The following POGZ variants were observed in gnomAD, a reference collection of about 807,000 sequenced individuals.
The protein encoded by POGZ is pogo transposable element derived with ZNF domain, also known as pogo transposable element with ZNF domain.
POGZ carries 17 observed loss-of-function variants against 134.6 expected under a neutral mutation model. The ratio of observed to expected loss-of-function variants is 0.13; its 90% confidence interval spans 0.09 to 0.19. The LOEUF (loss-of-function observed/expected upper bound fraction) is 0.19, where lower values mean the gene tolerates loss of function less well. Among genes scored for constraint, POGZ ranks in the 10% least tolerant of loss-of-function variants. The pLI is 1.00. For missense variants in POGZ, 1,306 were observed against 1,769.7 expected, an observed-to-expected ratio of 0.74 and a Z score of 4.70; for synonymous variants, 693 against 657.1, an observed-to-expected ratio of 1.05 and a Z score of -0.84.
intron 8 of POGZ, chr1:151,424,529 T>C (rs1194809824): frequency 2.6e-6 from 1 of 382,456 alleles, no homozygotes; most frequent in Non-Finnish European, 4.6e-6. Flanking sequence ...TAATCATTAG[T>C]ATAACTTGGC....
At position 151,422,694 on chromosome 1, in the gene POGZ, C is replaced by T. The variant is rs376444530; in HGVS notation, c.1678+703G>A. ...GCAACCTCCGCCTCCCGGGTTCAAG[C>T]GATTCTCCTGTCTCAGCCTCCCGAG... On this transcript the variant is annotated intron_variant, in intron 10 of 18. Coordinates refer to ENST00000271715, the MANE Select transcript of POGZ (RefSeq NM_015100.4). Among the ~76,000 whole-genome samples the T allele has an allele frequency of 6.6e-4, 100 of 152,136 alleles. 2 individuals carry two copies. In the East Asian group the frequency reaches 0.017, roughly 26 times the overall value.
chr1:151,430,386 C>T lies in POGZ; in HGVS notation c.459+280G>A, dbSNP rs186118830. On this transcript the variant is annotated intron_variant, in intron 4 of 18. Transcript: ENST00000271715. ...AGGGTGAAAAGCCTCAAGAGCCAAG[C>T]GTTAAGGCTTCCTAATTCAAGTTTT... is the stretch of plus-strand genomic sequence containing the variant. Among the ~76,000 whole-genome samples, 199 of 152,270 alleles carry T rather than the reference C, an allele frequency of 1.3e-3. 1 individual carries two copies. Among genetic ancestry groups the T allele is most frequent in the African/African-American group, 4.7e-3 (194 of 41,548 alleles).
chr1:151,442,736 T>C (rs898396027), intron 1 of POGZ, among the ~76,000 whole-genome samples: 8 of 143,730 alleles, frequency 5.6e-5, no homozygotes, highest in African/African-American at 1.5e-4. Flanking sequence ...AAAATTAGGA[T>C]TATAAAAGTT....
intron 1 of POGZ, among the ~76,000 whole-genome samples, chr1:151,457,081 G>C (rs1280373962): frequency 6.6e-6 from 1 of 152,136 alleles, no homozygotes; most frequent in South Asian, 2.1e-4. Flanking sequence ...TACCCTGAAA[G>C]GGTAAGAGGA....
At chr1:151,458,443 C>T (rs1478219460) in intron 1 of POGZ, among the ~76,000 whole-genome samples, 1 of 152,032 alleles carries the variant, frequency 6.6e-6, no homozygotes, top group Non-Finnish European at 1.5e-5. Context: ...TGCACTAAGG[C>T]TTAGGATGTA....
intron 3 of POGZ, among the ~76,000 whole-genome samples, chr1:151,431,714 T>C (rs1658726887): frequency 6.6e-6 from 1 of 152,242 alleles, no homozygotes; most frequent in East Asian, 1.9e-4. Context: ...GGGCTATTAT[T>C]GAAATATCTT....
intron 16 of POGZ, 55 bp downstream of exon 16, chr1:151,407,180 A>T (rs1653796830): frequency 3.6e-6 from 5 of 1,388,350 alleles, no homozygotes; most frequent in Non-Finnish European, 5.0e-6. Flanking sequence ...GAAAAACCTG[A>T]AAATTAATGT....
Position 151,451,052 on chromosome 1 carries a change from T to TA in POGZ, c.-2+8099dup, listed in dbSNP as rs1396746605. On this transcript the variant is annotated intron_variant, in intron 1 of 18. Transcript: ENST00000271715. ...AGATGTGGTGAAACCCCGTCTCTAC[T>TA]AAAAAAAAAAAATACAAAAATTAGC... 1,305 of 142,852 alleles carry TA rather than the reference T, an allele frequency of 9.1e-3. 24 individuals carry two copies. The highest frequency in any genetic ancestry group is 0.027 in the African/African-American group (1,052 of 39,068). 8.8% of individuals were successfully genotyped at this position (142,852 alleles called of 1,614,324 possible).
chr1:151,412,970 T>A (rs1363034511), intron 10 of POGZ, among the ~76,000 whole-genome samples: 1 of 152,180 alleles, frequency 6.6e-6, no homozygotes, highest in Non-Finnish European at 1.5e-5. Flanking sequence ...ATGAACAATT[T>A]TGTCAAACTT....
In POGZ at chr1:151,402,963, A is replaced by G. The variant is rs1571311468; in HGVS notation, c.*1839T>C. The G allele has an allele frequency of 6.5e-6, 1 of 152,896 alleles. No individual in the cohort carries two copies. The highest frequency in any genetic ancestry group is 6.5e-5 in the Admixed American group (1 of 15,288). The allele number at this position is 152,896 out of a possible 1,614,324, so 9.5% of individuals were successfully genotyped here. On this transcript the variant is annotated 3_prime_UTR_variant, in exon 19 of 19. Transcript: ENST00000271715. ...GGCTGTGGCTGCTGCAGAGACTACCAAAGAGTAGGATTAGGTTGTAGATAG... is the reference window on the plus strand; with the variant it reads ...GGCTGTGGCTGCTGCAGAGACTACCGAAGAGTAGGATTAGGTTGTAGATAG...
intron 3 of POGZ, among the ~76,000 whole-genome samples, chr1:151,438,389 C>T (rs570772075): frequency 2.2e-4 from 34 of 152,016 alleles, no homozygotes; most frequent in African/African-American, 7.7e-4. Context: ...CCAGTCTATA[C>T]CCACTGTCTT....
chr1:151,425,528 C>T (rs533749272), intron 7 of POGZ, among the ~76,000 whole-genome samples: 3 of 152,242 alleles, frequency 2.0e-5, no homozygotes, highest in Admixed American at 1.3e-4. Context: ...CTCGCCTCCA[C>T]CCCGGCAACC....
chr1:151,443,470 T>C (rs1571546341), intron 1 of POGZ, among the ~76,000 whole-genome samples: 1 of 152,114 alleles, frequency 6.6e-6, no homozygotes, highest in Admixed American at 6.5e-5. Flanking sequence ...GAGGCCGAGG[T>C]GGGCGGATCA....
chr1:151,424,291 A>G lies in POGZ; in HGVS notation c.1186-5T>C, dbSNP rs921647207. 14 of 1,528,156 alleles carry G rather than the reference A, an allele frequency of 9.2e-6. 1 individual carries two copies. Among genetic ancestry groups the G allele is most frequent in the Admixed American group, 7.6e-5 (4 of 52,816 alleles). The allele number at this position is 1,528,156 out of a possible 1,614,324, so 94.7% of individuals were successfully genotyped here. On this transcript the variant is annotated splice_region_variant and splice_polypyrimidine_tract_variant and intron_variant, in intron 8 of 18. Transcript: ENST00000271715. Reference sequence around the variant, plus strand: ...AACCATTTCTGGGCAACAGTACTATAAAGAAAGACATCTGATCATTCTGGT... The same window carrying G: ...AACCATTTCTGGGCAACAGTACTATGAAGAAAGACATCTGATCATTCTGGT...
chr1:151,405,772 G>A lies in POGZ; in HGVS notation c.3263C>T (p.Ala1088Val), dbSNP rs766856720. The A allele has an allele frequency of 6.2e-7, 1 of 1,614,206 alleles. No individual in the cohort carries two copies. The highest frequency in any genetic ancestry group is 1.7e-5 in the Admixed American group (1 of 60,032). The change falls in exon 19 of 19, where the codon GCT (alanine) becomes GTT (valine). Residue 1088 changes from alanine (A) to valine (V), a missense_variant. By Grantham distance (64) the Ala-to-Val change is moderately conservative. Transcript: ENST00000271715. This position sits in a 1 kb window ranked among gnomAD's most constrained non-coding sequence, Gnocchi z 4.9. The stretch of plus-strand genomic sequence containing the variant: ...ATCCTTAGGTAGGGTGTGGGCCACA[G>A]CTCGCCGGGCATGGGGAGTCAGGTG... ...RHHLTPHARRAVAHTLPKDVA... is the reference protein window; with the variant it reads ...RHHLTPHARRVVAHTLPKDVA...
At chr1:151,419,078 GC>G (rs1476562036) in intron 10 of POGZ, among the ~76,000 whole-genome samples, 16 of 151,358 alleles carry the variant, frequency 1.1e-4, no homozygotes, top group Non-Finnish European at 8.8e-5. Flanking sequence ...TTTCGACCGG[GC>G]ATGCTGGCTC....
At chr1:151,411,532 C>A in intron 12 of POGZ, 93 bp downstream of exon 12, 2 of 840,586 alleles carry the variant, frequency 2.4e-6, no homozygotes, top group South Asian at 1.8e-5. Context: ...TAATCTCTGC[C>A]CAAATTATTT....
In POGZ at chr1:151,457,394, AC is replaced by A. The variant is rs149610270; in HGVS notation, c.-2+1757del. On this transcript the variant is annotated intron_variant, in intron 1 of 18. Transcript: ENST00000271715. ...CTCATTTGAAAATGTAAAGATGACA[AC>A]CCCCCTCTGCTCCATTCAAATAAAT... 7.4e-3 allele frequency among the ~76,000 whole-genome samples: 1,128 copies of A among 152,068 alleles called. 13 individuals are homozygous for A. Among genetic ancestry groups the A allele is most frequent in the African/African-American group, 0.025 (1,057 of 41,472 alleles).
In POGZ at chr1:151,422,539, T is replaced by G. The variant is rs1462860395; in HGVS notation, c.1678+858A>C. Among the ~76,000 whole-genome samples the G allele has an allele frequency of 2.0e-5, 3 of 152,186 alleles. No homozygotes were observed. The East Asian group carries it at 5.8e-4, about 29-fold the overall frequency. Reference sequence around the variant, plus strand: ...GTACAGTGTAGAAAAACATTCCAGCTTACCTTATATTTCACTGAAAGCACT... The same window carrying G: ...GTACAGTGTAGAAAAACATTCCAGCGTACCTTATATTTCACTGAAAGCACT... On this transcript the variant is annotated intron_variant, in intron 10 of 18. Transcript: ENST00000271715.
Sources: gnomAD v4.1 joint callset for allele counts (sites outside exome capture counted in the v4.1 genomes callset) on GRCh38, gnomAD v4.1.1 for gene constraint, Gnocchi (gnomAD v3.1) non-coding constraint, MANE v1.5 for transcripts, NCBI Gene and HGNC (gene_info 2026-07-23, HGNC 2026-07-21) for gene names.